ZRANB3: variants seen among roughly 807,000 people sequenced by gnomAD.
The protein encoded by ZRANB3 is zinc finger RANBP2-type containing 3.
In ZRANB3, 125 loss-of-function variants were observed where a neutral mutation model predicts 133.8. The ratio of observed to expected loss-of-function variants is 0.93; its 90% CI spans 0.81 to 1.08. ZRANB3 has a LOEUF of 1.08. ZRANB3 is among the 50% of genes least tolerant of loss of function. The probability of loss-of-function intolerance (pLI) is 0.00; values close to 1 mark genes in which losing one functional copy is unlikely to be tolerated. For missense variants in ZRANB3, 1,229 were observed against 1,275.5 expected (o/e 0.96, Z 0.56); for synonymous variants, 387 against 432.7 (o/e 0.89, Z 1.31).
rs78454758 is a variant in ZRANB3 at position 135,411,555 on chromosome 2, G to A, written c.162-20735C>T. Among the ~76,000 whole-genome samples the A allele has an allele frequency of 2.0e-5, 3 of 152,114 alleles. No homozygotes were observed. In the South Asian group the frequency reaches 6.2e-4, roughly 32 times the overall value. On this transcript the variant is annotated intron_variant, in intron 2 of 20. Transcript: ENST00000264159. ...CAGTGGACTGAATAAAGAAAATTTA[G>A]TATATATACACCATGGAATATTACC...
At chr2:135,384,521 C>T (rs539678165) in intron 3 of ZRANB3, among the ~76,000 whole-genome samples, 4 of 152,222 alleles carry the variant, frequency 2.6e-5, no homozygotes, top group Admixed American at 2.0e-4. Context: ...GATACCAAAG[C>T]GTGGCAGAGA....
intron 11 of ZRANB3, 122 bp from the exon 12 acceptor site, chr2:135,265,808 A>T (rs1680213434): frequency 1.9e-6 from 2 of 1,037,890 alleles, no homozygotes; most frequent in Non-Finnish European, 2.7e-6. Flanking sequence ...CTGTTCCAAC[A>T]TATCATGGGC....
intron 6 of ZRANB3, among the ~76,000 whole-genome samples, chr2:135,328,961 C>T (rs1186935025): frequency 6.6e-6 from 1 of 152,104 alleles, no homozygotes; most frequent in African/African-American, 2.4e-5. Context: ...GGATATTAGC[C>T]CTTTTTCAGA....
intron 8 of ZRANB3, among the ~76,000 whole-genome samples, chr2:135,290,228 C>CT (rs2104792914): frequency 6.6e-6 from 1 of 152,246 alleles, no homozygotes; most frequent in Admixed American, 6.5e-5. Context: ...TGTGGTCTAT[C>CT]TAACTTCTTA....
chr2:135,345,866 AAGG>A (rs909668914), intron 5 of ZRANB3, among the ~76,000 whole-genome samples: 6 of 152,190 alleles, frequency 3.9e-5, no homozygotes, highest in Admixed American at 1.3e-4. Context: ...TTATTCACAT[AAGG>A]AGGATCATAT....
intron 2 of ZRANB3, among the ~76,000 whole-genome samples, chr2:135,473,014 C>G (rs1160971148): frequency 1.3e-5 from 2 of 152,176 alleles, no homozygotes; most frequent in Non-Finnish European, 2.9e-5. Flanking sequence ...ATTACTAGTA[C>G]AGCTGTACTA....
chr2:135,511,230 A>T, intron 1 of ZRANB3: 1 of 968,606 alleles, frequency 1.0e-6, no homozygotes, highest in South Asian at 1.3e-5. Flanking sequence ...TGTCTGAGAT[A>T]TGTCTGCAGG....
At chr2:135,420,060 T>C (rs533855727) in intron 2 of ZRANB3, among the ~76,000 whole-genome samples, 1 of 142,242 alleles carries the variant, frequency 7.0e-6, no homozygotes, top group South Asian at 2.3e-4. Context: ...CATTTTAGAT[T>C]TTACGTAAGA....
At chr2:135,432,562 A>C (rs1044823823) in intron 2 of ZRANB3, among the ~76,000 whole-genome samples, 17 of 152,324 alleles carry the variant, frequency 1.1e-4, no homozygotes, top group African/African-American at 3.8e-4. Flanking sequence ...TGGTTTTAAG[A>C]GTTAACCATA....
chr2:135,503,558 A>G (rs1410615882), intron 2 of ZRANB3, among the ~76,000 whole-genome samples: 1 of 152,258 alleles, frequency 6.6e-6, no homozygotes, highest in Non-Finnish European at 1.5e-5. Flanking sequence ...GGAAGAGATC[A>G]TATAACTATC....
chr2:135,511,181 C>A, intron 1 of ZRANB3: 2 of 793,722 alleles, frequency 2.5e-6, no homozygotes, highest in South Asian at 1.3e-5. Context: ...TGTTACTGGT[C>A]ACAGATGCCC....
chr2:135,337,054 A>G (rs1008335511), intron 6 of ZRANB3, among the ~76,000 whole-genome samples: 1 of 152,194 alleles, frequency 6.6e-6, no homozygotes, highest in African/African-American at 2.4e-5. Flanking sequence ...ACGTTTTACA[A>G]CATGAATAAA....
chr2:135,269,606 T>G (rs1680415276), intron 10 of ZRANB3, among the ~76,000 whole-genome samples: 1 of 152,230 alleles, frequency 6.6e-6, no homozygotes, highest in African/African-American at 2.4e-5. Context: ...CCTGTGATGT[T>G]ATATTCCGAA....
chr2:135,397,694 C>T (rs946643185), intron 2 of ZRANB3, among the ~76,000 whole-genome samples: 6 of 152,046 alleles, frequency 3.9e-5, no homozygotes, highest in African/African-American at 1.4e-4. Flanking sequence ...CCATTGTTTC[C>T]ATTGGTAACT....
chr2:135,502,978 T>C (rs1303698714), intron 2 of ZRANB3, among the ~76,000 whole-genome samples: 1 of 152,198 alleles, frequency 6.6e-6, no homozygotes, highest in Non-Finnish European at 1.5e-5. Context: ...AAGAAGTTTT[T>C]CATAAACAGC....
chr2:135,520,901 T>A (rs1234544281), intron 1 of ZRANB3, among the ~76,000 whole-genome samples: 1 of 152,082 alleles, frequency 6.6e-6, no homozygotes, highest in Non-Finnish European at 1.5e-5. Context: ...CAGCCTCCAA[T>A]TACTTTAAAA....
chr2:135,516,335 T>A (rs1693698454), intron 1 of ZRANB3, among the ~76,000 whole-genome samples: 1 of 152,184 alleles, frequency 6.6e-6, no homozygotes, highest in African/African-American at 2.4e-5. Flanking sequence ...ATTTTGCCCA[T>A]TAGTTGATGA....
chr2:135,447,724 C>A (rs1690084505), intron 2 of ZRANB3, among the ~76,000 whole-genome samples: 1 of 152,178 alleles, frequency 6.6e-6, no homozygotes, highest in African/African-American at 2.4e-5. Flanking sequence ...GCTGGAACTA[C>A]CTCTTTTTCT....
chr2:135,327,520 T>C (rs946342468), intron 6 of ZRANB3, among the ~76,000 whole-genome samples: 1 of 152,156 alleles, frequency 6.6e-6, no homozygotes, highest in Admixed American at 6.6e-5. Context: ...GAGAATAATA[T>C]TAATTTATTT....
Sources: gnomAD v4.1 joint callset for allele counts (sites outside exome capture counted in the v4.1 genomes callset) on GRCh38, gnomAD v4.1.1 for gene constraint, MANE v1.5 for transcripts, NCBI Gene and HGNC (gene_info 2026-07-23, HGNC 2026-07-21) for gene names.